CDKAL1: variants seen among roughly 807,000 people sequenced by gnomAD.
CDKAL1 encodes CDKAL1 threonylcarbamoyladenosine tRNA methylthiotransferase.
A neutral mutation model predicts 68.2 loss-of-function variants in CDKAL1; 32 were observed. That is an observed-to-expected ratio of 0.47 (90% confidence interval 0.35 to 0.63). The LOEUF (loss-of-function observed/expected upper bound fraction) is 0.63, where lower values mean the gene tolerates loss of function less well. CDKAL1 is among the 30% of genes least tolerant of loss of function. The pLI, the probability that CDKAL1 is intolerant of heterozygous loss-of-function variation, is 0.00. For missense variants in CDKAL1, 606 were observed against 696.7 expected (o/e 0.87, Z 1.47); for synonymous variants, 234 against 244.3 (o/e 0.96, Z 0.39).
intron 11 of CDKAL1, among the ~76,000 whole-genome samples, chr6:21,025,410 G>C (rs1251268920): frequency 1.3e-5 from 2 of 152,034 alleles, no homozygotes; most frequent in Admixed American, 1.3e-4. Flanking sequence ...GTTTGGTTTG[G>C]TTTAGTTTAT....
rs192741741 is a variant in CDKAL1 at position 20,657,915 on chromosome 6, C to T, written c.371+8538C>T. On this transcript the variant is annotated intron_variant, in intron 5 of 15. Transcript: ENST00000274695. The stretch of plus-strand genomic sequence containing the variant: ...TGTTATGATGGCAGCCTGCTGGATG[C>T]ATACTAGTTCCTCTTGAGCATTTGT... Among the ~76,000 whole-genome samples, 278 of 152,276 alleles carry T rather than the reference C, an allele frequency of 1.8e-3. 3 individuals carry two copies. The highest frequency in any genetic ancestry group is 6.5e-3 in the African/African-American group (270 of 41,568).
At chr6:21,190,857 T>C (rs530080883) in intron 13 of CDKAL1, among the ~76,000 whole-genome samples, 4 of 152,346 alleles carry the variant, frequency 2.6e-5, no homozygotes, top group African/African-American at 9.6e-5. Flanking sequence ...AATAGTAATA[T>C]TGAAATCTTT....
rs1762547380 is a variant in CDKAL1, at chr6:20,913,140, C to CAT, written c.743-42278_743-42277insTA. Among the ~76,000 whole-genome samples, 4 of 150,112 alleles carry CAT rather than the reference C, an allele frequency of 2.7e-5. No individual in the cohort carries two copies. In the South Asian group the frequency reaches 8.4e-4, roughly 32 times the overall value. ...TTACACACACACACACACACACACA[C>CAT]ACACACACACACACACACATTACCA... On this transcript the variant is annotated intron_variant, in intron 9 of 15. Transcript: ENST00000274695.
intron 4 of CDKAL1, among the ~76,000 whole-genome samples, chr6:20,606,539 A>T (rs1490003018): frequency 6.6e-6 from 1 of 152,222 alleles, no homozygotes; most frequent in Non-Finnish European, 1.5e-5. Flanking sequence ...ATCATTTTTA[A>T]ATAAATACAG....
At chr6:20,740,892 T>G (rs984264654) in intron 6 of CDKAL1, among the ~76,000 whole-genome samples, 3 of 152,314 alleles carry the variant, frequency 2.0e-5, no homozygotes, top group South Asian at 4.1e-4. Context: ...TCTTTTCATG[T>G]CAGACTAACT....
chr6:21,068,650 A>T (rs1277587821), intron 12 of CDKAL1, among the ~76,000 whole-genome samples: 2 of 152,130 alleles, frequency 1.3e-5, no homozygotes, highest in Non-Finnish European at 2.9e-5. Flanking sequence ...AAGTCTTGAT[A>T]TTGGCAATGT....
At chr6:21,000,816 A>C (rs909686519) in intron 11 of CDKAL1, among the ~76,000 whole-genome samples, 1 of 152,220 alleles carries the variant, frequency 6.6e-6, no homozygotes, top group Non-Finnish European at 1.5e-5. Flanking sequence ...TGGAATGTCT[A>C]TGCTTTTACA....
At chr6:20,921,297 C>T (rs1244142655) in intron 9 of CDKAL1, among the ~76,000 whole-genome samples, 2 of 152,084 alleles carry the variant, frequency 1.3e-5, no homozygotes, top group Admixed American at 6.6e-5. Flanking sequence ...GGCATGGTGG[C>T]GTGCGCCTGT....
rs900863945 is a variant in CDKAL1, at chr6:20,535,404, T to C, written c.-6+10T>C. 3.9e-5 allele frequency: 6 copies of C among 152,374 alleles called. 1 individual carries two copies. Among genetic ancestry groups the C allele is most frequent in the African/African-American group, 1.4e-4 (6 of 41,452 alleles). 9.4% of individuals were successfully genotyped at this position (152,374 alleles called of 1,614,324 possible). On this transcript the variant is annotated intron_variant, in intron 2 of 15. Transcript: ENST00000274695. ...ATTGCAGATAATTAAGGTACTGATTTATTTTAAACCTTTTATGTTTGAGTG... is the reference window on the plus strand; with the variant it reads ...ATTGCAGATAATTAAGGTACTGATTCATTTTAAACCTTTTATGTTTGAGTG...
intron 10 of CDKAL1, among the ~76,000 whole-genome samples, chr6:20,989,673 A>G (rs989793418): frequency 1.3e-5 from 2 of 152,180 alleles, no homozygotes; most frequent in African/African-American, 2.4e-5. Context: ...CTTAAATGGA[A>G]CAAAGGCAAT....
At chr6:20,553,911 C>T (rs1023461086) in intron 4 of CDKAL1, among the ~76,000 whole-genome samples, 1 of 151,888 alleles carries the variant, frequency 6.6e-6, no homozygotes, top group Non-Finnish European at 1.5e-5. Flanking sequence ...CGTGCTCGGC[C>T]AGCTTTTAAA....
chr6:20,706,663 A>G (rs188035712), intron 5 of CDKAL1, among the ~76,000 whole-genome samples: 3 of 152,232 alleles, frequency 2.0e-5, no homozygotes, highest in African/African-American at 7.2e-5. Flanking sequence ...TGTGTGTATC[A>G]TTTAAATATC....
intron 7 of CDKAL1, among the ~76,000 whole-genome samples, chr6:20,774,657 C>A (rs906247874): frequency 1.3e-5 from 2 of 152,122 alleles, no homozygotes; most frequent in Admixed American, 6.5e-5. Context: ...ATATACAGTG[C>A]CTTGGTTTCT....
At chr6:20,753,588 A>G (rs932771297) in intron 6 of CDKAL1, among the ~76,000 whole-genome samples, 8 of 152,190 alleles carry the variant, frequency 5.3e-5, no homozygotes, top group Non-Finnish European at 8.8e-5. Context: ...AGTTCACACA[A>G]TGAAGCGATG....
At chr6:20,688,307 C>T (rs909414654) in intron 5 of CDKAL1, among the ~76,000 whole-genome samples, 1 of 152,084 alleles carries the variant, frequency 6.6e-6, no homozygotes, top group Admixed American at 6.6e-5. Flanking sequence ...GATTACTGCT[C>T]TGTATATTTC....
At chr6:21,046,326 T>C (rs1448629241) in intron 11 of CDKAL1, among the ~76,000 whole-genome samples, 2 of 152,216 alleles carry the variant, frequency 1.3e-5, no homozygotes, top group African/African-American at 4.8e-5. Context: ...TTAAAGTGTT[T>C]CTTGGCATAG....
At chr6:20,983,902 T>C (rs1314734432) in intron 10 of CDKAL1, among the ~76,000 whole-genome samples, 1 of 152,228 alleles carries the variant, frequency 6.6e-6, no homozygotes, top group Non-Finnish European at 1.5e-5. Flanking sequence ...CAAGAATTAG[T>C]GTATGTATAG....
At chr6:21,077,258 T>C (rs1198519683) in intron 12 of CDKAL1, among the ~76,000 whole-genome samples, 3 of 152,176 alleles carry the variant, frequency 2.0e-5, no homozygotes, top group Admixed American at 6.5e-5. Context: ...GTTTGTACAA[T>C]TGGTTGATCA....
intron 5 of CDKAL1, among the ~76,000 whole-genome samples, chr6:20,706,734 T>C (rs559862290): frequency 1.3e-5 from 2 of 152,330 alleles, no homozygotes; most frequent in South Asian, 4.1e-4. Context: ...CTGCTCTCTT[T>C]ATGATGTGAA....
Sources: allele counts gnomAD v4.1 joint callset (sites outside exome capture counted in the v4.1 genomes callset), GRCh38; gene constraint gnomAD v4.1.1; transcripts MANE v1.5; gene names NCBI Gene and HGNC (gene_info 2026-07-23, HGNC 2026-07-21).